Variants in SEC24D observed in about 807,000 individuals in gnomAD.
SEC24D encodes the protein protein transport protein Sec24D.
A neutral mutation model predicts 116.9 loss-of-function variants in SEC24D; 69 were observed. That is an observed-to-expected ratio of 0.59 (90% confidence interval 0.49 to 0.72). The LOEUF (loss-of-function observed/expected upper bound fraction) is 0.72. SEC24D is among the 30% of genes least tolerant of loss of function. The probability of loss-of-function intolerance (pLI) is 0.00; values close to 1 mark genes in which losing one functional copy is unlikely to be tolerated. For synonymous variants in SEC24D, 405 were observed against 442.8 expected, an observed-to-expected ratio of 0.91 and a Z score of 1.07; for missense variants, 1,131 against 1,264.1, an observed-to-expected ratio of 0.89 and a Z score of 1.60.
intron 3 of SEC24D, among the ~76,000 whole-genome samples, chr4:118,822,618 C>T (rs1264692946): frequency 6.6e-6 from 1 of 152,116 alleles, no homozygotes; most frequent in Non-Finnish European, 1.5e-5. Context: ...GTCACCCAGC[C>T]TGGAATATAA....
intron 7 of SEC24D, among the ~76,000 whole-genome samples, chr4:118,799,822 A>C (rs1240890567): frequency 6.6e-6 from 1 of 152,206 alleles, no homozygotes; most frequent in African/African-American, 2.4e-5. Context: ...TAACAGAAGG[A>C]GAAGAATTGG....
At chr4:118,738,908 T>C (rs1488516478) in intron 18 of SEC24D, among the ~76,000 whole-genome samples, 1 of 152,136 alleles carries the variant, frequency 6.6e-6, no homozygotes, top group Non-Finnish European at 1.5e-5. Context: ...AAATTTCAAC[T>C]CAGACTGCCA....
chr4:118,828,485 C>G (rs1730686432), intron 2 of SEC24D, among the ~76,000 whole-genome samples: 1 of 152,186 alleles, frequency 6.6e-6, no homozygotes, highest in African/African-American at 2.4e-5. Flanking sequence ...TAAAATAGGA[C>G]ATCTGGCAAT....
At chr4:118,769,485 A>G (rs1727798578) in intron 8 of SEC24D, among the ~76,000 whole-genome samples, 1 of 152,130 alleles carries the variant, frequency 6.6e-6, no homozygotes, top group Non-Finnish European at 1.5e-5. Flanking sequence ...AGATACAAAT[A>G]AAGCAGACTG....
At position 118,826,491 on chromosome 4, in the gene SEC24D, T is replaced by C. The variant is rs984411703; in HGVS notation, c.119-1742A>G. ...CATATGCAACATAATTACAAGCACA[T>C]TTATATTTTCATTTTAAAAACATTA... On this transcript the variant is annotated intron_variant, in intron 2 of 22. Coordinates refer to ENST00000280551, the MANE Select transcript of SEC24D (RefSeq NM_014822.4). Among the ~76,000 whole-genome samples the C allele has an allele frequency of 1.4e-4, 21 of 152,346 alleles. 1 individual carries two copies. The highest frequency in any genetic ancestry group is 4.3e-4 in the African/African-American group (18 of 41,584).
intron 19 of SEC24D, 171 bp downstream of exon 19, chr4:118,738,089 TA>T (rs577051087): frequency 0.015 from 6,511 of 438,020 alleles, no homozygotes; most frequent in South Asian, 0.02. Context: ...ATGTTGGCTA[TA>T]AAAAAAAAAA....
chr4:118,754,150 T>G (rs1034895980), intron 11 of SEC24D: 1 of 152,174 alleles, frequency 6.6e-6, no homozygotes, highest in Non-Finnish European at 1.5e-5. Context: ...GCAGTTTAAA[T>G]AGATTCTCAT....
chr4:118,776,668 T>C (rs1224444285), intron 8 of SEC24D, among the ~76,000 whole-genome samples: 1 of 152,184 alleles, frequency 6.6e-6, no homozygotes, highest in Non-Finnish European at 1.5e-5. Context: ...AGTAAGATAT[T>C]ATCTCTCCAG....
At chr4:118,760,596 T>C (rs941494837) in intron 10 of SEC24D, 1 of 152,240 alleles carries the variant, frequency 6.6e-6, no homozygotes, top group African/African-American at 2.4e-5. Context: ...CTTTTGGCTA[T>C]TGTGAATACT....
chr4:118,768,634 A>C (rs1727756754), intron 8 of SEC24D, among the ~76,000 whole-genome samples: 1 of 152,164 alleles, frequency 6.6e-6, no homozygotes, highest in African/African-American at 2.4e-5. Context: ...ACTGCAGGTG[A>C]TCCACCCACC....
chr4:118,768,244 A>G lies in SEC24D; in HGVS notation c.1109T>C (p.Met370Thr), dbSNP rs1377459125. ...TTCGATGAACTGCATAAATGGGCAC[A>G]TGTAGGCCTTGCACCTGTTGCATCT... ...PVRCNRCKAY[M>T]CPFMQFIEGG... Residue 370 changes from methionine to threonine, a missense_variant, in exon 9 of 23, where the codon ATG becomes ACG. Met to Thr is a moderately conservative substitution (Grantham distance 81). Coordinates refer to ENST00000280551, the MANE Select transcript of SEC24D (RefSeq NM_014822.4). 2 of 1,613,758 alleles carry G rather than the reference A, an allele frequency of 1.2e-6. No individual in the cohort carries two copies. Among genetic ancestry groups the G allele is most frequent in the African/African-American group, 1.3e-5 (1 of 74,894 alleles).
intron 8 of SEC24D, 140 bp downstream of exon 8, chr4:118,797,543 T>G (rs1269565428): frequency 8.8e-6 from 6 of 678,546 alleles, no homozygotes; most frequent in Admixed American, 6.8e-5. Flanking sequence ...CCTGATGAAT[T>G]CAATTACTAG....
chr4:118,803,649 T>C (rs1729546800), intron 7 of SEC24D, among the ~76,000 whole-genome samples: 1 of 152,246 alleles, frequency 6.6e-6, no homozygotes, highest in African/African-American at 2.4e-5. Context: ...CTGTGTCTTT[T>C]ATTTCTGAAT....
intron 10 of SEC24D, chr4:118,758,446 T>C (rs1267495126): frequency 6.6e-6 from 1 of 152,198 alleles, no homozygotes; most frequent in East Asian, 1.9e-4. Context: ...ACATAGAACG[T>C]CAGGCGTTTT....
At chr4:118,796,430 G>A (rs1444423199) in intron 8 of SEC24D, among the ~76,000 whole-genome samples, 1 of 152,076 alleles carries the variant, frequency 6.6e-6, no homozygotes, top group Non-Finnish European at 1.5e-5. Context: ...ATCTTGATTT[G>A]CAAATACGAA....
chr4:118,810,299 G>A (rs1300566713), intron 6 of SEC24D, among the ~76,000 whole-genome samples: 2 of 152,208 alleles, frequency 1.3e-5, no homozygotes, highest in African/African-American at 2.4e-5. Flanking sequence ...AAAGGGCAGG[G>A]AGACCAATTA....
At chr4:118,763,087 G>A (rs187462389) in intron 10 of SEC24D, among the ~76,000 whole-genome samples, 1 of 152,206 alleles carries the variant, frequency 6.6e-6, no homozygotes, top group Admixed American at 6.5e-5. Flanking sequence ...TTTGCATGTT[G>A]CCCAATGATT....
chr4:118,757,981 AT>A, intron 10 of SEC24D, 136 bp from the exon 11 acceptor site: 1 of 673,418 alleles, frequency 1.5e-6, no homozygotes, highest in Non-Finnish European at 2.4e-6. Flanking sequence ...GAATTAAATC[AT>A]TTTTCCAGAA....
At chr4:118,810,100 G>GTGTGTGTGTT in intron 6 of SEC24D, among the ~76,000 whole-genome samples, 1 of 146,692 alleles carries the variant, frequency 6.8e-6, no homozygotes, top group Non-Finnish European at 1.5e-5. Flanking sequence ...GTGTGTGTGT[G>GTGTGTGTGTT]TGTGTGTGTG....
Sources: allele counts gnomAD v4.1 joint callset (sites outside exome capture counted in the v4.1 genomes callset), GRCh38; gene constraint gnomAD v4.1.1; transcripts MANE v1.5; gene names NCBI Gene and HGNC (gene_info 2026-07-23, HGNC 2026-07-21).